The following PLCH2 variants were observed in gnomAD, a reference collection of about 807,000 sequenced individuals.
PLCH2 encodes the protein phospholipase C eta 2.
Under a neutral mutation model 134.7 loss-of-function variants are expected in PLCH2, and 98 were observed. The observed-to-expected ratio is 0.73, with a 90% CI of 0.62 to 0.86. PLCH2 has a LOEUF of 0.86. Ranked by LOEUF, PLCH2 falls within the 40% of genes least tolerant of loss-of-function variation. The pLI, the probability that PLCH2 is intolerant of heterozygous loss-of-function variation, is 0.00. For missense variants in PLCH2, 1,994 were observed against 1,986.6 expected, an observed-to-expected ratio of 1.00 and a Z score of -0.07; for synonymous variants, 974 against 827.5, an observed-to-expected ratio of 1.18 and a Z score of -3.04.
chr1:2,455,231 C>T (rs542608764), intron 2 of PLCH2, among the ~76,000 whole-genome samples: 61 of 152,330 alleles, frequency 4.0e-4, no homozygotes, highest in African/African-American at 1.3e-3. Flanking sequence ...CTAGGACGGG[C>T]GGGCACCTGG....
chr1:2,479,823 T>C lies in PLCH2; in HGVS notation c.361T>C (p.Cys121Arg). Residue 121 changes from cysteine to arginine, a missense_variant, in exon 3 of 22, where the codon TGC becomes CGC. This residue lies in a region of PLCH2 where 1,094 missense variants were observed against 1,234.3 expected (regional missense o/e 0.89). Coordinates refer to ENST00000378486, the MANE Select transcript of PLCH2 (RefSeq NM_014638.4). Reference protein sequence around the residue: ...YPDGSFDPNCCFSIYHGSHRE... With the variant: ...YPDGSFDPNCRFSIYHGSHRE... ...TGACGGCAGCTTCGACCCCAACTGCTGCTTCAGCATCTACCACGGCAGCCA... is the reference window on the plus strand; with the variant it reads ...TGACGGCAGCTTCGACCCCAACTGCCGCTTCAGCATCTACCACGGCAGCCA... 1 of 1,606,020 alleles carries C rather than the reference T, an allele frequency of 6.2e-7. No homozygotes were observed. The highest frequency in any genetic ancestry group is 8.5e-7 in the Non-Finnish European group (1 of 1,177,056).
At chr1:2,454,295 C>T (rs1640382184) in intron 2 of PLCH2, among the ~76,000 whole-genome samples, 1 of 152,192 alleles carries the variant, frequency 6.6e-6, no homozygotes, top group Non-Finnish European at 1.5e-5. Context: ...GCCCGACTCA[C>T]CCTGACACGT....
chr1:2,434,105 C>T (rs1460452555), intron 2 of PLCH2, among the ~76,000 whole-genome samples: 1 of 152,276 alleles, frequency 6.6e-6, no homozygotes, highest in African/African-American at 2.4e-5. Flanking sequence ...GGCTGCGGGT[C>T]TCCCTGGGTG....
Position 2,462,372 on chromosome 1 carries a change from G to A in PLCH2, c.116-16104G>A, listed in dbSNP as rs1177306032. ...TCTGCCTGACAGCCCCTCTGACACCGCCTCCACCTGACACCCCCTCCGCCT... is the reference window on the plus strand; with the variant it reads ...TCTGCCTGACAGCCCCTCTGACACCACCTCCACCTGACACCCCCTCCGCCT... On this transcript the variant is annotated intron_variant, in intron 2 of 3. Transcript: ENST00000609981. Among the ~76,000 whole-genome samples, 4 of 24,520 alleles carry A rather than the reference G, an allele frequency of 1.6e-4. No individual in the cohort carries two copies. The South Asian group carries it at 3.8e-3, about 24-fold the overall frequency. The allele number at this position is 24,520 out of a possible 152,430, so 16.1% of individuals were successfully genotyped here. A position where few individuals can be genotyped will look rare whatever the true frequency, so the allele number is the denominator to read the frequency against.
chr1:2,492,205 A>C (rs1023772347), intron 11 of PLCH2: 1 of 152,264 alleles, frequency 6.6e-6, no homozygotes, highest in Non-Finnish European at 1.5e-5. Flanking sequence ...TTCCAGGACC[A>C]GTATTTTTAG....
rs12061618 is a variant in PLCH2, at chr1:2,434,915, G to A, written c.115+4286G>A. On this transcript the variant is annotated intron_variant, in intron 2 of 3. Coordinates refer to the PLCH2 transcript ENST00000609981. ...TGTACCCAGGCTGCCCAGGAGAGCTGAGCCCGCACGGGAAGGCAGGCCCCT... is the reference window on the plus strand; with the variant it reads ...TGTACCCAGGCTGCCCAGGAGAGCTAAGCCCGCACGGGAAGGCAGGCCCCT... Among the ~76,000 whole-genome samples the A allele has an allele frequency of 2.3e-3, 357 of 152,382 alleles. 3 individuals are homozygous for A. The highest frequency in any genetic ancestry group is 8.1e-3 in the African/African-American group (335 of 41,596).
chr1:2,480,130 AGGTGTCAGGGCT>A, intron 3 of PLCH2, 41 bp from the exon 4 acceptor site: 3 of 1,605,430 alleles, frequency 1.9e-6, no homozygotes, highest in Non-Finnish European at 1.7e-6. Flanking sequence ...CAGAGGGTGG[AGGTGTCAGGGCT>A]GGGCCCATGG....
chr1:2,498,925 C>A lies in PLCH2; in HGVS notation c.2434+97C>A, dbSNP rs754345452. On this transcript the variant is annotated intron_variant, in intron 18 of 21. Transcript: ENST00000378486. This position sits in a 1 kb window ranked among gnomAD's most constrained non-coding sequence, Gnocchi z 5.4. ...TGCCCGGGTGCCCTGCCCAGGCCTC[C>A]CTCAGTGACAGTCCTGGGCGCCCTC... 1.8e-3 allele frequency: 2,466 copies of A among 1,334,920 alleles called. 6 individuals carry two copies. Among genetic ancestry groups the A allele is most frequent in the Non-Finnish European group, 2.0e-3 (1,878 of 954,334 alleles). 82.7% of individuals were successfully genotyped at this position (1,334,920 alleles called of 1,614,324 possible). A position where few individuals can be genotyped will look rare whatever the true frequency, so the allele number is the denominator to read the frequency against.
At chr1:2,425,147 A>T (rs1222922868), upstream of PLCH2, among the ~76,000 whole-genome samples, 2 of 133,176 alleles carry the variant, frequency 1.5e-5, no homozygotes, top group Non-Finnish European at 3.1e-5. Context: ...TAGGCGATAG[A>T]GTGTGACACT....
At chr1:2,478,928 A>G (rs1031913399) in intron 2 of PLCH2, among the ~76,000 whole-genome samples, 5 of 152,144 alleles carry the variant, frequency 3.3e-5, no homozygotes, top group Admixed American at 1.3e-4. Flanking sequence ...TGGGGAGGTC[A>G]CAGCTCCCCA....
upstream of PLCH2, among the ~76,000 whole-genome samples, chr1:2,466,469 G>A (rs1324980189): frequency 6.6e-6 from 1 of 152,170 alleles, no homozygotes; most frequent in African/African-American, 2.4e-5. Flanking sequence ...GCAGCTGCTG[G>A]TGGCTCCCCT....
At chr1:2,457,722 T>C (rs1352557178) in intron 2 of PLCH2, among the ~76,000 whole-genome samples, 4 of 152,030 alleles carry the variant, frequency 2.6e-5, no homozygotes, top group African/African-American at 9.6e-5. Flanking sequence ...CGAAGGTGGC[T>C]CACCCCGAGT....
At chr1:2,497,126 T>G in intron 15 of PLCH2, 116 bp downstream of exon 15, 2 of 1,047,708 alleles carry the variant, frequency 1.9e-6, no homozygotes, top group Non-Finnish European at 2.7e-6. Context: ...CTGGGCTCTA[T>G]TGCCCTTGGA....
In PLCH2 at chr1:2,441,913, C is replaced by T. The variant is rs372710826; in HGVS notation, c.115+11284C>T. Among the ~76,000 whole-genome samples, 3 of 152,168 alleles carry T rather than the reference C, an allele frequency of 2.0e-5. No homozygotes were observed. In the East Asian group the frequency reaches 5.8e-4, roughly 29 times the overall value. On this transcript the variant is annotated intron_variant, in intron 2 of 3. Transcript: ENST00000609981. ...GGTAGTGATGACAGAGGCTTCACTG[C>T]AGGCTCATGGTCCTGGGCAGAGGCT... is the stretch of plus-strand genomic sequence containing the variant.
intron 2 of PLCH2, among the ~76,000 whole-genome samples, chr1:2,434,059 C>T (rs537526784): frequency 3.2e-4 from 48 of 152,368 alleles, no homozygotes; most frequent in Admixed American, 2.4e-3. Flanking sequence ...CATCGCGCGT[C>T]CGGCTTCGTG....
rs534143233 is a variant in PLCH2 at position 2,504,825 on chromosome 1, G to A, written c.3863G>A (p.Arg1288Gln). 4.2e-5 allele frequency: 68 copies of A among 1,609,330 alleles called. No homozygotes were observed. The highest frequency in any genetic ancestry group is 3.3e-4 in the Middle Eastern group (2 of 6,052). The change falls in exon 22 of 22, where the codon CGG (arginine) becomes CAG (glutamine). Residue 1288 changes from arginine (R) to glutamine (Q), a missense_variant. Coordinates refer to ENST00000378486, the MANE Select transcript of PLCH2 (RefSeq NM_014638.4). The stretch of plus-strand genomic sequence containing the variant: ...CTGGGCCTCCCGGGAGGGACACGGC[G>A]GGTGTCGGGGCCAGGGGTGAGACGG... Reference protein sequence around the residue: ...HSLGLPGGTRRVSGPGVRRDT... With the variant: ...HSLGLPGGTRQVSGPGVRRDT...
chr1:2,505,464 A>G lies in PLCH2; in HGVS notation c.*251A>G, dbSNP rs1643492083. The G allele has an allele frequency of 1.9e-5, 10 of 531,452 alleles. No homozygotes were observed. Among genetic ancestry groups the G allele is most frequent in the Non-Finnish European group, 1.3e-5 (4 of 304,216 alleles). The allele number at this position is 531,452 out of a possible 1,614,324, so 32.9% of individuals were successfully genotyped here. ...TTTCCCGGCGTTTTAGGATCTGTACATAGAGAAATATTTAAATTTTTAGAA... is the reference window on the plus strand; with the variant it reads ...TTTCCCGGCGTTTTAGGATCTGTACGTAGAGAAATATTTAAATTTTTAGAA... On this transcript the variant is annotated 3_prime_UTR_variant, in exon 22 of 22. Transcript: ENST00000378486.
At chr1:2,490,153 G>T (rs932124164) in intron 10 of PLCH2, among the ~76,000 whole-genome samples, 3 of 152,086 alleles carry the variant, frequency 2.0e-5, no homozygotes, top group Admixed American at 2.0e-4. Context: ...CTCAGTAAGT[G>T]GGGGCAGCAC....
Position 2,501,091 on chromosome 1 carries a change from T to G in PLCH2, c.2662-1021T>G, listed in dbSNP as rs1399590790. The G allele has an allele frequency of 2.0e-5, 3 of 151,816 alleles. 1 individual carries two copies. The highest frequency in any genetic ancestry group is 6.5e-5 in the Admixed American group (1 of 15,272). The allele number at this position is 151,816 out of a possible 1,614,324, so 9.4% of individuals were successfully genotyped here. On this transcript the variant is annotated intron_variant, in intron 20 of 21. Transcript: ENST00000378486. ...ATCCCGGATCTGCTTCTAAATGGCTTCCCAGCCACTGTGACCAAATGCGTA... is the reference window on the plus strand; with the variant it reads ...ATCCCGGATCTGCTTCTAAATGGCTGCCCAGCCACTGTGACCAAATGCGTA...
Sources: gnomAD v4.1 joint callset for allele counts (sites outside exome capture counted in the v4.1 genomes callset) on GRCh38, gnomAD v4.1.1 for gene constraint, gnomAD v4.1.1 regional missense constraint, Gnocchi (gnomAD v3.1) non-coding constraint, MANE v1.5 for transcripts, NCBI Gene and HGNC (gene_info 2026-07-23, HGNC 2026-07-21) for gene names.